CDH12: variants seen among roughly 807,000 people sequenced by gnomAD.
CDH12 encodes the protein cadherin 12.
Under a neutral mutation model 74.1 loss-of-function variants are expected in CDH12, and 41 were observed. The ratio of observed to expected loss-of-function variants is 0.55; its 90% CI spans 0.43 to 0.72. The LOEUF (loss-of-function observed/expected upper bound fraction) is 0.72. Ranked by LOEUF, CDH12 falls within the 30% of genes least tolerant of loss-of-function variation. The probability of loss-of-function intolerance (pLI) is 0.00; values close to 1 mark genes in which losing one functional copy is unlikely to be tolerated. For synonymous variants in CDH12, 399 were observed against 355.0 expected, an observed-to-expected ratio of 1.12 and a Z score of -1.39; for missense variants, 945 against 977.2, an observed-to-expected ratio of 0.97 and a Z score of 0.44.
chr5:22,250,050 T>C (rs1753083938), intron 3 of CDH12, among the ~76,000 whole-genome samples: 1 of 152,030 alleles, frequency 6.6e-6, no homozygotes, highest in Non-Finnish European at 1.5e-5. Context: ...TGGGGAAGTA[T>C]TGCAGAAAAA....
intron 6 of CDH12, among the ~76,000 whole-genome samples, chr5:21,970,653 A>G (rs185609694): frequency 6.6e-6 from 1 of 151,822 alleles, no homozygotes; most frequent in East Asian, 2.0e-4. Flanking sequence ...CAGCCTGGCC[A>G]ATGTGGCAAA....
chr5:22,485,849 T>G (rs938055606), intron 2 of CDH12, among the ~76,000 whole-genome samples: 9 of 152,346 alleles, frequency 5.9e-5, no homozygotes, highest in African/African-American at 2.2e-4. Context: ...CTTGATTTAC[T>G]CATACATTTC....
intron 4 of CDH12, among the ~76,000 whole-genome samples, chr5:22,130,582 G>A (rs982500272): frequency 2.0e-5 from 3 of 151,852 alleles, no homozygotes; most frequent in African/African-American, 7.3e-5. Flanking sequence ...AGGACAAATT[G>A]AAATAGACAT....
chr5:22,030,426 GGT>G (rs1466131094), intron 5 of CDH12, among the ~76,000 whole-genome samples: 1 of 152,098 alleles, frequency 6.6e-6, no homozygotes, highest in Non-Finnish European at 1.5e-5. Flanking sequence ...TGGGTGACCA[GGT>G]GCATTGTGAA....
intron 5 of CDH12, among the ~76,000 whole-genome samples, chr5:22,029,978 T>C (rs1438104195): frequency 6.6e-6 from 1 of 151,668 alleles, no homozygotes; most frequent in Non-Finnish European, 1.5e-5. Context: ...ATGGATGAAA[T>C]TGGAAATCAT....
chr5:21,833,432 T>C (rs1486014504), intron 8 of CDH12, among the ~76,000 whole-genome samples: 7 of 107,520 alleles, frequency 6.5e-5, no homozygotes, highest in South Asian at 2.7e-4. Context: ...TTATATATTA[T>C]TAATTACATA....
At chr5:22,448,285 T>C (rs1744908419) in intron 2 of CDH12, among the ~76,000 whole-genome samples, 1 of 151,988 alleles carries the variant, frequency 6.6e-6, no homozygotes. Context: ...ATTAATTCTG[T>C]GGGTTTTCTT....
At position 21,903,734 on chromosome 5, in the gene CDH12, A is replaced by G. The variant is rs535891237; in HGVS notation, c.527-48944T>C. On this transcript the variant is annotated intron_variant, in intron 6 of 14. Coordinates refer to ENST00000382254, the MANE Select transcript of CDH12 (RefSeq NM_004061.5). ...GATCAGCCGAGAGAAAAATAAAAAC[A>G]AAACAAATAAAAACACAAATGAACA... Among the ~76,000 whole-genome samples, 6 of 152,302 alleles carry G rather than the reference A, an allele frequency of 3.9e-5. No individual in the cohort carries two copies. The East Asian group carries it at 1.2e-3, about 29-fold the overall frequency.
At chr5:22,308,110 G>A (rs1402983929) in intron 3 of CDH12, among the ~76,000 whole-genome samples, 3 of 151,816 alleles carry the variant, frequency 2.0e-5, no homozygotes, top group Non-Finnish European at 4.4e-5. Context: ...TTGATCTCCT[G>A]ACCTCGTGAT....
intron 5 of CDH12, among the ~76,000 whole-genome samples, chr5:22,054,208 T>C (rs1740582811): frequency 6.6e-6 from 1 of 152,086 alleles, no homozygotes; most frequent in Non-Finnish European, 1.5e-5. Context: ...GAAACTTTTT[T>C]AGAAACACCA....
intron 1 of CDH12, among the ~76,000 whole-genome samples, chr5:22,549,460 A>T (rs1738470680): frequency 6.6e-6 from 1 of 152,058 alleles, no homozygotes; most frequent in Admixed American, 6.6e-5. Flanking sequence ...ATTCATGTTT[A>T]TCACAGCCAA....
At chr5:21,828,651 T>C (rs905882693) in intron 8 of CDH12, among the ~76,000 whole-genome samples, 2 of 152,202 alleles carry the variant, frequency 1.3e-5, no homozygotes, top group African/African-American at 4.8e-5. Flanking sequence ...TATTCGTGTA[T>C]CACATATGGA....
At chr5:21,806,857 T>C (rs1747454613) in intron 9 of CDH12, among the ~76,000 whole-genome samples, 1 of 152,204 alleles carries the variant, frequency 6.6e-6, no homozygotes, top group Non-Finnish European at 1.5e-5. Flanking sequence ...ATTTAGTTTA[T>C]ACTTTAACTT....
intron 2 of CDH12, among the ~76,000 whole-genome samples, chr5:22,478,904 G>A (rs900816522): frequency 1.5e-4 from 23 of 152,134 alleles, no homozygotes; most frequent in Non-Finnish European, 1.0e-4. Context: ...ACGAAATGGA[G>A]GAAAATGTTT....
chr5:21,977,488 C>T (rs1757119425), intron 5 of CDH12, among the ~76,000 whole-genome samples: 1 of 151,950 alleles, frequency 6.6e-6, no homozygotes, highest in African/African-American at 2.4e-5. Context: ...ATCCATTTTG[C>T]CAACAGCTCA....
At chr5:22,078,361 A>T in intron 5 of CDH12, 85 bp downstream of exon 5, 4 of 1,202,320 alleles carry the variant, frequency 3.3e-6, no homozygotes, top group Non-Finnish European at 4.8e-6. Flanking sequence ...GGTTTGTTCA[A>T]CTCCTGTGCA....
At chr5:22,097,300 C>G (rs989658570) in intron 4 of CDH12, among the ~76,000 whole-genome samples, 19 of 152,322 alleles carry the variant, frequency 1.2e-4, no homozygotes, top group Middle Eastern at 3.4e-3. Context: ...CAGCTCTTCT[C>G]AGCTTAGCGG....
At chr5:21,894,150 G>A (rs933894475) in intron 6 of CDH12, among the ~76,000 whole-genome samples, 13 of 151,986 alleles carry the variant, frequency 8.6e-5, no homozygotes, top group Admixed American at 4.6e-4. Flanking sequence ...AAGCCAAGGC[G>A]GGTGGATCAC....
At chr5:22,511,908 C>T (rs1340213428) in intron 1 of CDH12, among the ~76,000 whole-genome samples, 5 of 151,768 alleles carry the variant, frequency 3.3e-5, no homozygotes, top group African/African-American at 9.7e-5. Flanking sequence ...TCTTATAACT[C>T]ATTGGAAAAT....
Sources: allele counts gnomAD v4.1 joint callset (sites outside exome capture counted in the v4.1 genomes callset), GRCh38; gene constraint gnomAD v4.1.1; transcripts MANE v1.5; gene names NCBI Gene and HGNC (gene_info 2026-07-23, HGNC 2026-07-21).